The following FLNB variants were observed in gnomAD, a reference collection of about 807,000 sequenced individuals.
FLNB encodes the protein filamin B, also known as filamin-B.
Under a neutral mutation model 250.6 loss-of-function variants are expected in FLNB, and 111 were observed. The observed-to-expected ratio is 0.44, with a 90% CI of 0.38 to 0.52. FLNB has a LOEUF of 0.52. FLNB is among the 20% of genes least tolerant of loss of function. The pLI is 0.00. For missense variants in FLNB, 2,869 were observed against 3,447.8 expected (o/e 0.83, Z 4.20); for synonymous variants, 1,302 against 1,372.1 (o/e 0.95, Z 1.13).
rs746575601 is a variant in FLNB at position 58,169,642 on chromosome 3, G to A, written c.7470G>A (p.Val2490=). The change falls in exon 45 of 46, where the codon GTG becomes GTA. Residue 2490 remains valine, a synonymous_variant. Coordinates refer to ENST00000295956, the MANE Select transcript of FLNB (RefSeq NM_001457.4). The surrounding 1 kb of genome is among the most constrained non-coding windows in gnomAD (Gnocchi z 4.8). ...CCAACGAGACCTCATCCATCCTGGT[G>A]GAGTCAGTGACCAGGTCGTCTACAG... ...GSANETSSIL[V]ESVTRSSTET... The A allele has an allele frequency of 2.8e-5, 45 of 1,613,990 alleles. No individual in the cohort carries two copies. The highest frequency in any genetic ancestry group is 3.8e-5 in the Non-Finnish European group (45 of 1,179,990).
chr3:58,109,597 C>T lies in FLNB; in HGVS notation c.2221C>T (p.His741Tyr). ...PYRVNIGQGS[H>Y]PQKVKVFGPG... is the part of the protein sequence containing the mutation. Reference sequence around the variant, plus strand: ...CTAGGTCAACATCGGGCAAGGTAGCCATCCTCAGAAGGTCAAAGTGTTTGG... The same window carrying T: ...CTAGGTCAACATCGGGCAAGGTAGCTATCCTCAGAAGGTCAAAGTGTTTGG... The change falls in exon 15 of 46, where the codon CAT becomes TAT. Residue 741 changes from histidine to tyrosine, a missense_variant. Around this residue, in one of 5 missense-constraint regions of FLNB, gnomAD observed 1,348 missense variants for 1,466.7 expected, o/e 0.92. Coordinates refer to ENST00000295956, the MANE Select transcript of FLNB (RefSeq NM_001457.4). The T allele has an allele frequency of 1.2e-6, 2 of 1,614,186 alleles. No homozygotes were observed. Among genetic ancestry groups the T allele is most frequent in the African/African-American group, 2.7e-5 (2 of 75,044 alleles).
chr3:58,103,708 A>G (rs1233707763), intron 9 of FLNB, among the ~76,000 whole-genome samples: 1 of 152,210 alleles, frequency 6.6e-6, no homozygotes, highest in Non-Finnish European at 1.5e-5. Flanking sequence ...TAGCCAAGCA[A>G]GATTTCTAAA....
intron 1 of FLNB, among the ~76,000 whole-genome samples, chr3:58,062,401 A>G (rs1034841367): frequency 2.6e-5 from 4 of 152,176 alleles, no homozygotes; most frequent in African/African-American, 9.7e-5. Context: ...TGTAAAGTTT[A>G]TTTAACCACT....
rs535654397 is a variant in FLNB at position 58,150,698 on chromosome 3, G to T, written c.6367+471G>T. ...ACATCTAGCCCTTTGGTGGTGAATTGTTCTTCTTGGGCCCCGATTAGCCAG... is the reference window on the plus strand; with the variant it reads ...ACATCTAGCCCTTTGGTGGTGAATTTTTCTTCTTGGGCCCCGATTAGCCAG... On this transcript the variant is annotated intron_variant, in intron 38 of 45. Transcript: ENST00000295956. 309 of 214,120 alleles carry T rather than the reference G, an allele frequency of 1.4e-3. 1 individual carries two copies. The highest frequency in any genetic ancestry group is 6.6e-3 in the African/African-American group (284 of 43,340). 13.3% of individuals were successfully genotyped at this position (214,120 alleles called of 1,614,324 possible). A position where few individuals can be genotyped will look rare whatever the true frequency, so the allele number is the denominator to read the frequency against.
intron 1 of FLNB, among the ~76,000 whole-genome samples, chr3:58,070,054 T>TTTC (rs2097191805): frequency 6.7e-6 from 1 of 149,970 alleles, no homozygotes; most frequent in African/African-American, 2.5e-5. Flanking sequence ...TCTTTCTTTT[T>TTTC]TTTTTTTTTT....
At chr3:58,054,560 A>T (rs117312545) in intron 1 of FLNB, among the ~76,000 whole-genome samples, 1 of 152,176 alleles carries the variant, frequency 6.6e-6, no homozygotes, top group African/African-American at 2.4e-5. Context: ...CCTTCTTCAC[A>T]TGGAGGCCGC....
chr3:58,169,780 C>T lies in FLNB; in HGVS notation c.7608C>T (p.Asp2536=). 3 of 1,567,172 alleles carry T rather than the reference C, an allele frequency of 1.9e-6. No homozygotes were observed. Among genetic ancestry groups the T allele is most frequent in the Non-Finnish European group, 2.6e-6 (3 of 1,150,212 alleles). The part of the protein sequence containing the change: ...FVGQKSSFLV[D]CSKAGSNMLL... ...GCCAGAAGAGTTCCTTCCTGGTGGA[C>T]TGCAGCAAAGCTGGTAGGTGTCTGG... Residue 2536 remains aspartate, a synonymous_variant, in exon 45 of 46, where the codon GAC becomes GAT. Coordinates refer to ENST00000295956, the MANE Select transcript of FLNB (RefSeq NM_001457.4). The surrounding 1 kb of genome is among the most constrained non-coding windows in gnomAD (Gnocchi z 4.8).
chr3:58,045,857 G>A (rs1267780598), intron 1 of FLNB, among the ~76,000 whole-genome samples: 7 of 151,968 alleles, frequency 4.6e-5, no homozygotes, highest in South Asian at 4.2e-4. Context: ...AAAATTAGCC[G>A]GGCGTGGTAG....
intron 43 of FLNB, among the ~76,000 whole-genome samples, chr3:58,166,360 C>T (rs1020177180): frequency 6.6e-6 from 1 of 151,502 alleles, no homozygotes; most frequent in East Asian, 2.0e-4. Context: ...AAGGCCAAGG[C>T]AGAAAGATTG....
At chr3:58,150,432 C>A in intron 38 of FLNB, 1 of 624,974 alleles carries the variant, frequency 1.6e-6, no homozygotes, top group Non-Finnish European at 2.8e-6. Context: ...GTTTACCTTG[C>A]TACCTTTTTC....
At chr3:58,129,735 C>T (rs921639137) in intron 24 of FLNB, among the ~76,000 whole-genome samples, 1 of 152,196 alleles carries the variant, frequency 6.6e-6, no homozygotes, top group African/African-American at 2.4e-5. Flanking sequence ...GCTTTCACGG[C>T]AGTCATTAAC....
At chr3:58,076,392 C>A (rs555118036) in intron 1 of FLNB, among the ~76,000 whole-genome samples, 137 of 152,272 alleles carry the variant, frequency 9.0e-4, no homozygotes, top group Non-Finnish European at 1.8e-3. Context: ...TGTATACTAC[C>A]AGTTTAGCAG....
chr3:58,154,773 G>A lies in FLNB; in HGVS notation c.6635-18G>A, dbSNP rs369020418. The A allele has an allele frequency of 2.5e-6, 4 of 1,613,596 alleles. No homozygotes were observed. Among genetic ancestry groups the A allele is most frequent in the Non-Finnish European group, 2.5e-6 (3 of 1,179,920 alleles). On this transcript the variant is annotated intron_variant, in intron 39 of 45. Coordinates refer to ENST00000295956, the MANE Select transcript of FLNB (RefSeq NM_001457.4). ...TCTGTGGGGCTCAGTCACTAACCAG[G>A]TTTCTCTTTGCTCTCAGCTGAGTTC...
intron 1 of FLNB, among the ~76,000 whole-genome samples, chr3:58,022,926 T>C (rs1387501196): frequency 1.3e-5 from 2 of 151,886 alleles, no homozygotes; most frequent in Non-Finnish European, 2.9e-5. Flanking sequence ...CAAGCGATTC[T>C]CTTGCCTCAG....
chr3:58,139,080 C>A (rs145039197), intron 29 of FLNB, among the ~76,000 whole-genome samples: 1 of 152,180 alleles, frequency 6.6e-6, no homozygotes, highest in East Asian at 1.9e-4. Context: ...AAGGAGGAAA[C>A]CATTATGCAA....
At chr3:58,042,681 C>T (rs1454989361) in intron 1 of FLNB, among the ~76,000 whole-genome samples, 1 of 151,844 alleles carries the variant, frequency 6.6e-6, no homozygotes, top group African/African-American at 2.4e-5. Flanking sequence ...CAAGGCCCAG[C>T]TAATTTGTGT....
At chr3:58,056,105 ATTTTT>A (rs781244971) in intron 1 of FLNB, among the ~76,000 whole-genome samples, 8 of 128,766 alleles carry the variant, frequency 6.2e-5, no homozygotes, top group African/African-American at 2.3e-4. Flanking sequence ...TTATTTATTT[ATTTTT>A]TTTTTTTTTG....
chr3:58,098,824 A>G lies in FLNB; in HGVS notation c.1261A>G (p.Met421Val), dbSNP rs2097243880. 1 of 1,614,042 alleles carries G rather than the reference A, an allele frequency of 6.2e-7. No homozygotes were observed. The highest frequency in any genetic ancestry group is 1.7e-5 in the Admixed American group (1 of 60,002). ...GGTGTATCGATGTGTGTACAAACCC[A>G]TGCAGCCTGGCCCTCACGTGGTCAA... ...NQVYRCVYKP[M>V]QPGPHVVKIF... The change falls in exon 8 of 46, where the codon ATG becomes GTG. Residue 421 changes from methionine to valine, a missense_variant. Met to Val is a conservative substitution (Grantham distance 21). Coordinates refer to ENST00000295956, the MANE Select transcript of FLNB (RefSeq NM_001457.4).
intron 31 of FLNB, among the ~76,000 whole-genome samples, chr3:58,143,250 T>A (rs1475360990): frequency 6.6e-6 from 1 of 152,120 alleles, no homozygotes; most frequent in African/African-American, 2.4e-5. Context: ...AGAAAACTCT[T>A]TAAGAGTTGT....
Sources: gnomAD v4.1 joint callset for allele counts (sites outside exome capture counted in the v4.1 genomes callset) on GRCh38, gnomAD v4.1.1 for gene constraint, gnomAD v4.1.1 regional missense constraint, Gnocchi (gnomAD v3.1) non-coding constraint, MANE v1.5 for transcripts, NCBI Gene and HGNC (gene_info 2026-07-23, HGNC 2026-07-21) for gene names.